The following USH2A variants were observed in gnomAD, a reference collection of about 807,000 sequenced individuals.
USH2A encodes usherin.
Under a neutral mutation model 538.9 loss-of-function variants are expected in USH2A, and 443 were observed. The ratio of observed to expected loss-of-function variants is 0.82; its 90% CI spans 0.76 to 0.89. The LOEUF (loss-of-function observed/expected upper bound fraction) is 0.89. USH2A is among the 40% of genes least tolerant of loss of function. The probability of loss-of-function intolerance (pLI) is 0.00; values close to 1 mark genes in which losing one functional copy is unlikely to be tolerated. For missense variants in USH2A, 6,633 were observed against 6,324.8 expected, an observed-to-expected ratio of 1.05 and a Z score of -1.65; for synonymous variants, 2,413 against 2,273.5, an observed-to-expected ratio of 1.06 and a Z score of -1.75.
intron 3 of USH2A, among the ~76,000 whole-genome samples, chr1:216,394,348 C>T (rs185010733): frequency 8.8e-6 from 1 of 114,200 alleles, no homozygotes; most frequent in East Asian, 3.0e-4. Context: ...AAACAGTTTA[C>T]GGGTCAATAG....
Position 215,675,133 on chromosome 1 carries a change from G to C in USH2A, c.12778C>G (p.Gln4260Glu). 1 of 1,614,042 alleles carries C rather than the reference G, an allele frequency of 6.2e-7. No individual in the cohort carries two copies. Among genetic ancestry groups the C allele is most frequent in the Non-Finnish European group, 8.5e-7 (1 of 1,180,002 alleles). ...GGAGAGAGACCTTCTGGAGGTGCTT[G>C]CAATGTCCTCACCACATTCCAAGAG... ...CSSWNVVRTLQAPPEGLSPPV... is the reference protein window; with the variant it reads ...CSSWNVVRTLEAPPEGLSPPV... The change falls in exon 63 of 72, where the codon CAA (glutamine) becomes GAA (glutamate). Residue 4260 changes from glutamine (Q) to glutamate (E), a missense_variant. Gln to Glu is a conservative substitution (Grantham distance 29). Coordinates refer to ENST00000307340, the MANE Select transcript of USH2A (RefSeq NM_206933.4).
chr1:216,418,545 A>G lies in USH2A; in HGVS notation c.620T>C (p.Leu207Pro). The G allele has an allele frequency of 1.2e-6, 2 of 1,613,262 alleles. No homozygotes were observed. The highest frequency in any genetic ancestry group is 1.3e-5 in the African/African-American group (1 of 74,992). ...PIKVMTLGRI[L>P]VKKWIHLSVQ... ...ACTAAGATGAATCCATTTCTTCACA[A>G]GAATTCTCCCCAGTGTCATTACTTT... Residue 207 changes from leucine to proline, a missense_variant, in exon 3 of 72, where the codon CTT becomes CCT. Physicochemically the swap from Leu to Pro is moderately conservative, Grantham distance 98. Coordinates refer to ENST00000307340, the MANE Select transcript of USH2A (RefSeq NM_206933.4).
intron 48 of USH2A, among the ~76,000 whole-genome samples, chr1:215,814,641 A>G (rs1558110730): frequency 6.6e-6 from 1 of 152,054 alleles, no homozygotes; most frequent in Non-Finnish European, 1.5e-5. Flanking sequence ...CCATCACATG[A>G]AGAAGGTCCT....
chr1:216,290,078 T>C (rs575226071), intron 10 of USH2A, among the ~76,000 whole-genome samples: 2 of 152,166 alleles, frequency 1.3e-5, no homozygotes, highest in Admixed American at 6.5e-5. Context: ...CTTTGCTATA[T>C]TATGTAATAA....
intron 38 of USH2A, among the ~76,000 whole-genome samples, chr1:215,924,842 G>T (rs1315159699): frequency 6.6e-6 from 1 of 151,948 alleles, no homozygotes; most frequent in Non-Finnish European, 1.5e-5. Flanking sequence ...TTAATTGTGT[G>T]TGTGGGCGTG....
At chr1:215,972,779 T>C (rs1232530040) in intron 35 of USH2A, among the ~76,000 whole-genome samples, 1 of 152,166 alleles carries the variant, frequency 6.6e-6, no homozygotes, top group Non-Finnish European at 1.5e-5. Context: ...GTACCACTTA[T>C]AGCTCTAAAC....
At chr1:216,223,545 T>C (rs181944216) in intron 14 of USH2A, among the ~76,000 whole-genome samples, 2 of 152,266 alleles carry the variant, frequency 1.3e-5, no homozygotes, top group East Asian at 3.9e-4. Flanking sequence ...AAGGTAAAAG[T>C]AACATCCTGA....
At chr1:215,726,504 C>A (rs770378734) in intron 61 of USH2A, among the ~76,000 whole-genome samples, 2 of 152,106 alleles carry the variant, frequency 1.3e-5, no homozygotes, top group Non-Finnish European at 2.9e-5. Context: ...AAGGGCTCTT[C>A]TGGAGTTTAA....
intron 61 of USH2A, among the ~76,000 whole-genome samples, chr1:215,697,769 C>T (rs150589946): frequency 3.5e-4 from 54 of 152,302 alleles, no homozygotes; most frequent in African/African-American, 1.3e-3. Flanking sequence ...GATCTGCCCA[C>T]TTCGGACTCC....
intron 3 of USH2A, among the ~76,000 whole-genome samples, chr1:216,382,176 G>C (rs2038933190): frequency 1.3e-5 from 2 of 152,190 alleles, no homozygotes; most frequent in African/African-American, 4.8e-5. Context: ...TGATCTAAAA[G>C]TTCTGGAGTC....
At chr1:216,215,148 G>T (rs1216724326) in intron 15 of USH2A, among the ~76,000 whole-genome samples, 1 of 152,054 alleles carries the variant, frequency 6.6e-6, no homozygotes, top group Non-Finnish European at 1.5e-5. Context: ...CACCCTGACA[G>T]CCCACCAAAA....
At chr1:215,628,723 T>C (rs1656148809) in intron 71 of USH2A, 91 bp downstream of exon 71, 2 of 1,361,702 alleles carry the variant, frequency 1.5e-6, no homozygotes, top group Non-Finnish European at 2.1e-6. Flanking sequence ...GCGAGTGCCA[T>C]GGGGCAGCAT....
chr1:216,002,822 T>C (rs1385135726), intron 32 of USH2A, among the ~76,000 whole-genome samples: 2 of 152,160 alleles, frequency 1.3e-5, no homozygotes, highest in Non-Finnish European at 2.9e-5. Context: ...TATGTTTCCA[T>C]GGTACAGACT....
At position 216,289,317 on chromosome 1, in the gene USH2A, G is replaced by C. The variant is rs397518004; in HGVS notation, c.1934C>G (p.Thr645Arg). ...IDVCKPCDCDTVGTRNGSILC... is the reference protein window; with the variant it reads ...IDVCKPCDCDRVGTRNGSILC... ...AATGCTACCATTTCTAGTGCCAACT[G>C]TATCACAGTCACAGGGTTTGCAAAC... is the stretch of plus-strand genomic sequence containing the variant. The change falls in exon 11 of 72, where the codon ACA becomes AGA. Residue 645 changes from threonine (T) to arginine (R), a missense_variant. By Grantham distance (71) the Thr-to-Arg change is moderately conservative. Transcript: ENST00000307340. The C allele has an allele frequency of 2.7e-5, 44 of 1,613,828 alleles. No homozygotes were observed. In the Admixed American group the frequency reaches 6.7e-4, roughly 24 times the overall value.
chr1:216,227,439 T>C (rs1470536233), intron 14 of USH2A, among the ~76,000 whole-genome samples: 1 of 152,192 alleles, frequency 6.6e-6, no homozygotes, highest in Non-Finnish European at 1.5e-5. Context: ...AGGAAGGAGT[T>C]TGTAGAATGA....
chr1:215,883,362 T>TTTG (rs1408781371), intron 41 of USH2A, among the ~76,000 whole-genome samples: 2 of 152,058 alleles, frequency 1.3e-5, no homozygotes, highest in African/African-American at 4.8e-5. Flanking sequence ...GTTAACTTTT[T>TTTG]TTGGTGGGTG....
At chr1:216,346,152 G>C (rs558508576) in intron 4 of USH2A, among the ~76,000 whole-genome samples, 2 of 152,036 alleles carry the variant, frequency 1.3e-5, no homozygotes, top group Non-Finnish European at 2.9e-5. Flanking sequence ...CTTTGATAAA[G>C]TTCAAAAGCC....
At chr1:215,828,220 C>T (rs1372858656) in intron 47 of USH2A, among the ~76,000 whole-genome samples, 3 of 152,046 alleles carry the variant, frequency 2.0e-5, no homozygotes, top group Admixed American at 6.5e-5. Flanking sequence ...GAGGCCAAGG[C>T]GGGAGGATGA....
chr1:216,086,170 A>C (rs1464794202), intron 24 of USH2A, among the ~76,000 whole-genome samples: 1 of 152,112 alleles, frequency 6.6e-6, no homozygotes, highest in Non-Finnish European at 1.5e-5. Context: ...CTTGTTCTAA[A>C]AATATGAGAA....
Sources: allele counts gnomAD v4.1 joint callset (sites outside exome capture counted in the v4.1 genomes callset), GRCh38; gene constraint gnomAD v4.1.1; transcripts MANE v1.5; gene names NCBI Gene and HGNC (gene_info 2026-07-23, HGNC 2026-07-21).